NYAP2: variants seen among roughly 807,000 people sequenced by gnomAD.
The protein encoded by NYAP2 is neuronal tyrosine-phosphorylated phosphoinositide-3-kinase adaptor 2, also known as neuronal tyrosine-phosphorylated phosphoinositide-3-kinase adapter 2.
Under a neutral mutation model 50.4 loss-of-function variants are expected in NYAP2, and 23 were observed. The ratio of observed to expected loss-of-function variants is 0.46; its 90% confidence interval spans 0.33 to 0.65. The LOEUF (loss-of-function observed/expected upper bound fraction) is 0.65. Among genes scored for constraint, NYAP2 ranks in the 30% least tolerant of loss-of-function variants. NYAP2 has a pLI of 0.02. For synonymous variants in NYAP2, 394 were observed against 365.2 expected, an observed-to-expected ratio of 1.08 and a Z score of -0.90; for missense variants, 885 against 861.0, an observed-to-expected ratio of 1.03 and a Z score of -0.35.
At position 225,421,842 on chromosome 2, in the gene NYAP2, G is replaced by A. The variant is rs138316717; in HGVS notation, c.221+12741G>A. Among the ~76,000 whole-genome samples, 68 of 152,218 alleles carry A rather than the reference G, an allele frequency of 4.5e-4. 2 individuals carry two copies. In the East Asian group the frequency reaches 0.013, roughly 28 times the overall value. ...AACTCTCAGCAAATCAATACAAATA[G>A]CATATTTTCTTTAGAAAGAAATCCC... On this transcript the variant is annotated intron_variant, in intron 3 of 6. Coordinates refer to ENST00000636099, the Ensembl canonical transcript of NYAP2.
intron 4 of NYAP2, among the ~76,000 whole-genome samples, chr2:225,514,647 G>A (rs910578526): frequency 1.3e-5 from 2 of 152,044 alleles, no homozygotes; most frequent in Admixed American, 1.3e-4. Context: ...ATCATTATGG[G>A]ATTAAGTTTT....
intron 5 of NYAP2, among the ~76,000 whole-genome samples, chr2:225,604,722 T>A (rs538462091): frequency 6.6e-6 from 1 of 152,236 alleles, no homozygotes; most frequent in Non-Finnish European, 1.5e-5. Context: ...TATATTTTTT[T>A]CCCCAGGAAT....
chr2:225,626,054 A>T (rs1363217724), intron 5 of NYAP2, among the ~76,000 whole-genome samples: 1 of 152,226 alleles, frequency 6.6e-6, no homozygotes, highest in Non-Finnish European at 1.5e-5. Context: ...TTAAAGAAAG[A>T]GAGAGAAAAG....
intron 3 of NYAP2, among the ~76,000 whole-genome samples, chr2:225,512,913 T>C (rs1690858898): frequency 6.7e-6 from 1 of 149,818 alleles, no homozygotes; most frequent in Admixed American, 6.7e-5. Context: ...TTTCCTTTCT[T>C]TTTCTTTCTT....
intron 3 of NYAP2, among the ~76,000 whole-genome samples, chr2:225,496,772 T>G (rs1690513902): frequency 6.6e-6 from 1 of 152,050 alleles, no homozygotes; most frequent in African/African-American, 2.4e-5. Context: ...AATTTAAATG[T>G]GCTCTCAGTT....
intron 3 of NYAP2, among the ~76,000 whole-genome samples, chr2:225,511,327 AACACACACACACACACACACACACAC>A (rs571887973): frequency 3.8e-5 from 5 of 129,920 alleles, no homozygotes; most frequent in South Asian, 2.7e-4. Context: ...CGTTCTTTAA[AACACACACACACACACACACACACAC>A]ACACACACAC....
At chr2:225,493,961 G>C (rs143169532) in intron 3 of NYAP2, among the ~76,000 whole-genome samples, 1 of 152,080 alleles carries the variant, frequency 6.6e-6, no homozygotes, top group Non-Finnish European at 1.5e-5. Context: ...TCAAAGTAAG[G>C]TTCTTACAAT....
intron 5 of NYAP2, among the ~76,000 whole-genome samples, chr2:225,599,700 C>G (rs1692663875): frequency 6.6e-6 from 1 of 152,182 alleles, no homozygotes; most frequent in Non-Finnish European, 1.5e-5. Flanking sequence ...ATCAGTAAAA[C>G]TGATGGAAGA....
chr2:225,608,344 A>G (rs1259596008), intron 5 of NYAP2, among the ~76,000 whole-genome samples: 1 of 152,168 alleles, frequency 6.6e-6, no homozygotes, highest in African/African-American at 2.4e-5. Flanking sequence ...GGCAGCACTG[A>G]TAATGAGCCT....
intron 3 of NYAP2, among the ~76,000 whole-genome samples, chr2:225,500,974 G>T (rs1236139192): frequency 6.6e-6 from 1 of 152,148 alleles, no homozygotes; most frequent in Non-Finnish European, 1.5e-5. Context: ...AGCATTCAAG[G>T]GTGGTGTCAG....
intron 3 of NYAP2, among the ~76,000 whole-genome samples, chr2:225,438,866 G>T (rs1048657295): frequency 6.6e-6 from 1 of 152,214 alleles, no homozygotes; most frequent in Non-Finnish European, 1.5e-5. Context: ...CCTACAGTAT[G>T]AGTAGAAGAG....
chr2:225,650,242 A>G (rs757329146), intron 6 of NYAP2, among the ~76,000 whole-genome samples: 1 of 152,206 alleles, frequency 6.6e-6, no homozygotes, highest in Non-Finnish European at 1.5e-5. Context: ...ATGCAGATAT[A>G]GTCAATGCTT....
At chr2:225,700,647 T>TATCA in the NYAP2 span, 2 of 151,834 alleles carry the variant, frequency 1.3e-5, no homozygotes, top group African/African-American at 2.4e-5. Context: ...TACTCAAGCC[T>TATCA]ATCAGTCAGA....
chr2:225,619,220 C>A (rs1010146081), intron 5 of NYAP2, among the ~76,000 whole-genome samples: 1 of 152,146 alleles, frequency 6.6e-6, no homozygotes, highest in African/African-American at 2.4e-5. Context: ...GTTCAGGAAC[C>A]TTGACTAAGG....
Position 225,627,137 on chromosome 2 carries a change from TTA to T in NYAP2, c.1828+13_1828+14del. On this transcript the variant is annotated intron_variant, in intron 6 of 6. Transcript: ENST00000636099. Reference sequence around the variant, plus strand: ...GAAACCACAGTTCAGGTAAGGCAGATTATGATCTTCCAGAAGGTAATTCCTCC... The same window carrying T: ...GAAACCACAGTTCAGGTAAGGCAGATTGATCTTCCAGAAGGTAATTCCTCC... 6.4e-7 allele frequency: 1 copy of T among 1,564,894 alleles called. No individual in the cohort carries two copies. Among genetic ancestry groups the T allele is most frequent in the Non-Finnish European group, 8.7e-7 (1 of 1,152,120 alleles).
intron 4 of NYAP2, among the ~76,000 whole-genome samples, chr2:225,527,241 T>C (rs1691168190): frequency 6.6e-6 from 1 of 152,192 alleles, no homozygotes; most frequent in African/African-American, 2.4e-5. Context: ...GAGAAATCAA[T>C]AAGCCCAATG....
chr2:225,495,639 T>C (rs534595011), intron 3 of NYAP2, among the ~76,000 whole-genome samples: 5 of 152,306 alleles, frequency 3.3e-5, no homozygotes, highest in Admixed American at 1.3e-4. Flanking sequence ...GTTTAATTAA[T>C]TGACTAATAA....
intron 3 of NYAP2, among the ~76,000 whole-genome samples, chr2:225,411,774 C>A (rs1326350601): frequency 1.3e-5 from 2 of 151,934 alleles, no homozygotes; most frequent in East Asian, 1.9e-4. Flanking sequence ...AGACATTTGG[C>A]TGATATATCA....
chr2:225,561,615 C>T (rs1691875513), intron 4 of NYAP2, among the ~76,000 whole-genome samples: 1 of 151,926 alleles, frequency 6.6e-6, no homozygotes, highest in African/African-American at 2.4e-5. Context: ...GTAAGCATTC[C>T]AGGGGAGGAA....
Sources: allele counts gnomAD v4.1 joint callset (sites outside exome capture counted in the v4.1 genomes callset), GRCh38; gene constraint gnomAD v4.1.1; transcripts MANE v1.5; gene names NCBI Gene and HGNC (gene_info 2026-07-23, HGNC 2026-07-21).